ARMC2: variants seen among roughly 807,000 people sequenced by gnomAD.
The protein encoded by ARMC2 is armadillo repeat-containing protein 2.
ARMC2 carries 67 observed loss-of-function variants against 90.3 expected under a neutral mutation model. The observed-to-expected ratio is 0.74, with a 90% CI of 0.61 to 0.91. The LOEUF (loss-of-function observed/expected upper bound fraction) is 0.91. Among genes scored for constraint, ARMC2 ranks in the 40% least tolerant of loss-of-function variants. ARMC2 has a pLI of 0.00. For missense variants in ARMC2, 920 were observed against 1,030.9 expected, an observed-to-expected ratio of 0.89 and a Z score of 1.47; for synonymous variants, 393 against 393.0, an observed-to-expected ratio of 1.00 and a Z score of 0.00.
At chr6:109,006,026 G>T in the ARMC2 span, among the ~76,000 whole-genome samples, 1 of 151,990 alleles carries the variant, frequency 6.6e-6, no homozygotes, top group African/African-American at 2.4e-5. Context: ...CTTATTTCTT[G>T]AATAACACTG....
chr6:108,989,576 T>G, the ARMC2 span, among the ~76,000 whole-genome samples: 1 of 151,328 alleles, frequency 6.6e-6, no homozygotes, highest in Non-Finnish European at 1.5e-5. Flanking sequence ...TCTAGAGATA[T>G]CTATATATAG....
chr6:108,990,709 C>A, the ARMC2 span: 2 of 1,614,120 alleles, frequency 1.2e-6, no homozygotes, highest in Non-Finnish European at 1.7e-6. Context: ...GTATCAACAT[C>A]TTTGTGCATT....
intron 12 of ARMC2, among the ~76,000 whole-genome samples, chr6:108,937,775 A>G (rs1562408257): frequency 6.6e-6 from 1 of 152,024 alleles, no homozygotes; most frequent in African/African-American, 2.4e-5. Flanking sequence ...GCTCACTGCA[A>G]GCTCCACCTC....
At chr6:108,985,929 C>T in the ARMC2 span, among the ~76,000 whole-genome samples, 8 of 152,118 alleles carry the variant, frequency 5.3e-5, no homozygotes, top group African/African-American at 1.9e-4. Flanking sequence ...ATAGTCTTGT[C>T]TTCTCATGAG....
the ARMC2 span, among the ~76,000 whole-genome samples, chr6:109,037,154 G>A: frequency 6.6e-6 from 1 of 152,108 alleles, no homozygotes; most frequent in Non-Finnish European, 1.5e-5. Context: ...AGAAAAACAA[G>A]TTACCTCACT....
At chr6:109,004,438 C>CTT in the ARMC2 span, among the ~76,000 whole-genome samples, 9 of 142,704 alleles carry the variant, frequency 6.3e-5, no homozygotes, top group African/African-American at 1.0e-4. Flanking sequence ...CCCCAACAAT[C>CTT]TTTTTTTTTT....
Position 108,913,179 on chromosome 6 carries a change from C to A in ARMC2, c.1350+621C>A, listed in dbSNP as rs550365256. ...CACTGGAGCTGCTCTGGCTTGGATA[C>A]TCTTTTAGATGAGATTTTACTTTTT... is the stretch of plus-strand genomic sequence containing the variant. On this transcript the variant is annotated intron_variant, in intron 10 of 17. Transcript: ENST00000392644. 2.6e-5 allele frequency among the ~76,000 whole-genome samples: 4 copies of A among 152,308 alleles called. No homozygotes were observed. In the South Asian group the frequency reaches 8.3e-4, roughly 32 times the overall value.
At chr6:108,992,281 T>A in the ARMC2 span, among the ~76,000 whole-genome samples, 4 of 152,060 alleles carry the variant, frequency 2.6e-5, no homozygotes, top group Non-Finnish European at 5.9e-5. Flanking sequence ...TTTTATTTTT[T>A]ATTTTTATTT....
chr6:109,021,267 G>A, the ARMC2 span, among the ~76,000 whole-genome samples: 1 of 152,140 alleles, frequency 6.6e-6, no homozygotes, highest in South Asian at 2.1e-4. Flanking sequence ...ACAGGTGTGA[G>A]CCACCTTGCC....
the ARMC2 span, among the ~76,000 whole-genome samples, chr6:109,004,682 G>A: frequency 0.048 from 7,351 of 152,038 alleles, 333 homozygotes; most frequent in African/African-American, 0.12. Context: ...CGCCCACCTC[G>A]GCCTCCCAAA....
At chr6:108,893,971 CA>C (rs1771353315) in intron 5 of ARMC2, among the ~76,000 whole-genome samples, 1 of 152,076 alleles carries the variant, frequency 6.6e-6, no homozygotes, top group African/African-American at 2.4e-5. Context: ...GCCTGAGCAA[CA>C]GGGCAAGACT....
the ARMC2 span, among the ~76,000 whole-genome samples, chr6:108,989,613 CTCTA>C: frequency 7.0e-6 from 1 of 141,946 alleles, no homozygotes; most frequent in African/African-American, 2.7e-5. Context: ...ATAGATATCT[CTCTA>C]TATAGAGAAA....
chr6:108,971,191 T>C (rs757119470), intron 17 of ARMC2, among the ~76,000 whole-genome samples: 4 of 152,144 alleles, frequency 2.6e-5, no homozygotes, highest in Non-Finnish European at 2.9e-5. Flanking sequence ...ACCATTGCAC[T>C]CCAGAGTAGA....
At chr6:109,032,462 C>CA in the ARMC2 span, among the ~76,000 whole-genome samples, 17 of 151,206 alleles carry the variant, frequency 1.1e-4, no homozygotes, top group South Asian at 1.0e-3. Flanking sequence ...ACTAAAAATA[C>CA]AAAAAATTAG....
At chr6:108,911,041 C>A in intron 9 of ARMC2, 40 bp downstream of exon 9, 1 of 1,246,872 alleles carries the variant, frequency 8.0e-7, no homozygotes, top group Non-Finnish European at 1.1e-6. Flanking sequence ...AAATGCTGTA[C>A]TTGAGTAAAA....
chr6:108,911,439 C>A (rs1773413937), intron 9 of ARMC2, among the ~76,000 whole-genome samples: 1 of 152,006 alleles, frequency 6.6e-6, no homozygotes, highest in African/African-American at 2.4e-5. Context: ...TTTTATTATA[C>A]CTTATCTAGC....
chr6:108,872,925 A>G (rs1022911873), intron 4 of ARMC2, among the ~76,000 whole-genome samples: 2 of 152,232 alleles, frequency 1.3e-5, no homozygotes, highest in Non-Finnish European at 2.9e-5. Context: ...GTCTCTGCAC[A>G]TGAGCGTATT....
chr6:109,016,672 C>G, the ARMC2 span, among the ~76,000 whole-genome samples: 1 of 152,120 alleles, frequency 6.6e-6, no homozygotes, highest in African/African-American at 2.4e-5. Flanking sequence ...ATTTAGGGGA[C>G]TATAGTTCAT....
the ARMC2 span, among the ~76,000 whole-genome samples, chr6:109,045,269 A>G: frequency 6.6e-6 from 1 of 151,156 alleles, no homozygotes; most frequent in Non-Finnish European, 1.5e-5. Context: ...CAACCCCATC[A>G]AAACAGTCCC....
Sources: allele counts gnomAD v4.1 joint callset (sites outside exome capture counted in the v4.1 genomes callset), GRCh38; gene constraint gnomAD v4.1.1; transcripts MANE v1.5; gene names NCBI Gene and HGNC (gene_info 2026-07-23, HGNC 2026-07-21).